Variants in TDRP observed in about 807,000 individuals in gnomAD.
TDRP encodes testis development related protein, also known as testis development-related protein.
A neutral mutation model predicts 10.5 loss-of-function variants in TDRP; 12 were observed. The observed-to-expected ratio is 1.15, with a 90% CI of 0.73 to 1.86. The LOEUF is 1.86. TDRP is among the 40% of genes most tolerant of loss of function. The probability of loss-of-function intolerance (pLI) is 0.00; values close to 1 mark genes in which losing one functional copy is unlikely to be tolerated. For synonymous variants in TDRP, 139 were observed against 95.4 expected (o/e 1.46, Z -2.67); for missense variants, 353 against 229.2 (o/e 1.54, Z -3.49).
At chr8:524,449 T>A (rs1464189103) in intron 1 of TDRP, among the ~76,000 whole-genome samples, 1 of 151,894 alleles carries the variant, frequency 6.6e-6, no homozygotes, top group Non-Finnish European at 1.5e-5. Context: ...CCAAACAAAC[T>A]AAAGGCCTCA....
chr8:510,707 C>T (rs902178982), intron 1 of TDRP, among the ~76,000 whole-genome samples: 2 of 152,208 alleles, frequency 1.3e-5, no homozygotes, highest in African/African-American at 2.4e-5. Context: ...TTCTTGTTAG[C>T]AAACCCACCT....
At chr8:497,770 A>G (rs1282796685) in intron 1 of TDRP, among the ~76,000 whole-genome samples, 4 of 152,154 alleles carry the variant, frequency 2.6e-5, no homozygotes, top group Non-Finnish European at 5.9e-5. Flanking sequence ...TAGGAGGGAA[A>G]AATGGTTTTC....
intron 1 of TDRP, among the ~76,000 whole-genome samples, chr8:536,541 A>T (rs1258487376): frequency 1.3e-5 from 2 of 152,220 alleles, no homozygotes; most frequent in Admixed American, 1.3e-4. Flanking sequence ...TTCTGAAGAA[A>T]ACTTGGCATA....
chr8:532,281 C>T (rs1440477486), intron 1 of TDRP, among the ~76,000 whole-genome samples: 1 of 152,182 alleles, frequency 6.6e-6, no homozygotes, highest in African/African-American at 2.4e-5. Flanking sequence ...GTGAAGGATG[C>T]TGGGACTTCA....
At position 497,783 on chromosome 8, in the gene TDRP, G is replaced by T. The variant is rs185475916; in HGVS notation, c.109-3186C>A. ...CCTAGGAGGGAAAAATGGTTTTCTG[G>T]GCCAGGCCCAGGGTCCTGCTTCACT... On this transcript the variant is annotated intron_variant, in intron 1 of 2. Transcript: ENST00000324079. Among the ~76,000 whole-genome samples the T allele has an allele frequency of 8.1e-4, 123 of 152,266 alleles. 1 individual carries two copies. The highest frequency in any genetic ancestry group is 6.8e-3 in the Middle Eastern group (2 of 294).
intron 1 of TDRP, among the ~76,000 whole-genome samples, chr8:499,828 G>A (rs1473310733): frequency 6.6e-6 from 1 of 152,254 alleles, no homozygotes; most frequent in Non-Finnish European, 1.5e-5. Context: ...TTGAGGTGGA[G>A]TTCCTGAAGG....
chr8:502,534 C>T (rs1049060019), intron 1 of TDRP, among the ~76,000 whole-genome samples: 1 of 152,236 alleles, frequency 6.6e-6, no homozygotes, highest in African/African-American at 2.4e-5. Flanking sequence ...GCTCGGGTGA[C>T]CTAGGCATAC....
In TDRP at chr8:492,383, T is replaced by A; in HGVS notation, c.*16A>T. ...AAAGGCCACCATGTCGGGGCACACT[T>A]GCCACGCAGCCCCCCTCACTCCGCC... On this transcript the variant is annotated 3_prime_UTR_variant, in exon 3 of 3. Transcript: ENST00000324079. 2.0e-6 allele frequency: 3 copies of A among 1,491,160 alleles called. No homozygotes were observed. Among genetic ancestry groups the A allele is most frequent in the Non-Finnish European group, 2.7e-6 (3 of 1,119,074 alleles). 92.4% of individuals were successfully genotyped at this position (1,491,160 alleles called of 1,614,324 possible). A position where few individuals can be genotyped will look rare whatever the true frequency, so the allele number is the denominator to read the frequency against.
At chr8:508,730 T>TC (rs1801533307) in intron 1 of TDRP, among the ~76,000 whole-genome samples, 1 of 152,176 alleles carries the variant, frequency 6.6e-6, no homozygotes, top group East Asian at 1.9e-4. Context: ...CTCATTTTTT[T>TC]CACTTTTCAA....
intron 1 of TDRP, among the ~76,000 whole-genome samples, chr8:533,766 C>T (rs756100998): frequency 6.6e-5 from 10 of 151,906 alleles, no homozygotes; most frequent in Non-Finnish European, 1.0e-4. Context: ...CCCCCGATCA[C>T]GAAGAAAAAA....
Position 492,017 on chromosome 8 carries a change from CTACA to C in TDRP, c.*378_*381del. ...TGCATGACAGCTGCATTTATACGTG[CTACA>C]TACAAGAAAAAGGTACGGAAGTTCT... is the stretch of plus-strand genomic sequence containing the variant. On this transcript the variant is annotated 3_prime_UTR_variant, in exon 3 of 3. Transcript: ENST00000324079. 1 of 1,112,886 alleles carries C rather than the reference CTACA, an allele frequency of 9.0e-7. No individual in the cohort carries two copies. The highest frequency in any genetic ancestry group is 1.1e-6 in the Non-Finnish European group (1 of 913,512). The allele number at this position is 1,112,886 out of a possible 1,614,324, so 68.9% of individuals were successfully genotyped here.
chr8:513,304 A>T (rs1245527643), intron 1 of TDRP, among the ~76,000 whole-genome samples: 2 of 152,132 alleles, frequency 1.3e-5, no homozygotes, highest in Admixed American at 6.5e-5. Context: ...TAAAAAATGA[A>T]AAGAATTATG....
At chr8:526,652 G>C (rs1802042254) in intron 1 of TDRP, among the ~76,000 whole-genome samples, 1 of 152,128 alleles carries the variant, frequency 6.6e-6, no homozygotes, top group Non-Finnish European at 1.5e-5. Context: ...ATATTGGCCT[G>C]TGGTTTTCTC....
chr8:530,458 A>C (rs1279538053), intron 1 of TDRP, among the ~76,000 whole-genome samples: 1 of 152,032 alleles, frequency 6.6e-6, no homozygotes, highest in Admixed American at 6.6e-5. Flanking sequence ...ATCTGAAAAA[A>C]CAGCCACCTC....
chr8:498,446 G>T (rs1801193579), intron 1 of TDRP, among the ~76,000 whole-genome samples: 1 of 152,132 alleles, frequency 6.6e-6, no homozygotes, highest in African/African-American at 2.4e-5. Context: ...TTTCCCTTTT[G>T]TTGTGGGTGC....
chr8:544,783 C>A lies in TDRP; in HGVS notation c.-26G>T, dbSNP rs1196870770. 4 of 1,224,340 alleles carry A rather than the reference C, an allele frequency of 3.3e-6. No homozygotes were observed. In the African/African-American group the frequency reaches 4.7e-5, roughly 14 times the overall value. The allele number at this position is 1,224,340 out of a possible 1,614,324, so 75.8% of individuals were successfully genotyped here. On this transcript the variant is annotated 5_prime_UTR_variant, in exon 1 of 3. Transcript: ENST00000324079. ...GGTCAGGCGGGCTCCGGCGTCCCTC[C>A]GTCCGTGCGTCGGGCTGTGGCTCCG...
At chr8:535,343 C>A (rs1449419834) in intron 1 of TDRP, among the ~76,000 whole-genome samples, 1 of 152,064 alleles carries the variant, frequency 6.6e-6, no homozygotes, top group East Asian at 1.9e-4. Context: ...CAGCAACCCC[C>A]ACAGAACTCC....
Position 492,756 on chromosome 8 carries a change from G to A in TDRP, c.213-12C>T, listed in dbSNP as rs368620523. 1 of 1,575,170 alleles carries A rather than the reference G, an allele frequency of 6.3e-7. No homozygotes were observed. Among genetic ancestry groups the A allele is most frequent in the African/African-American group, 1.4e-5 (1 of 73,658 alleles). ...ATCGTAAGTTAGTTCTATAGGAGAT[G>A]AAAGAGTTAGGTGTTGGTGACCCAG... On this transcript the variant is annotated splice_polypyrimidine_tract_variant and intron_variant, in intron 2 of 2. Coordinates refer to ENST00000324079, the MANE Select transcript of TDRP (RefSeq NM_001384899.1).
At chr8:536,282 C>T (rs1802346527) in intron 1 of TDRP, among the ~76,000 whole-genome samples, 2 of 152,312 alleles carry the variant, frequency 1.3e-5, no homozygotes, top group South Asian at 4.1e-4. Flanking sequence ...AATCCACCAC[C>T]GTCTTTAGTG....
Sources: allele counts gnomAD v4.1 joint callset (sites outside exome capture counted in the v4.1 genomes callset), GRCh38; gene constraint gnomAD v4.1.1; transcripts MANE v1.5; gene names NCBI Gene and HGNC (gene_info 2026-07-23, HGNC 2026-07-21).